Variants in RNASEH2B observed in about 807,000 individuals in gnomAD.
RNASEH2B encodes ribonuclease H2 subunit B, also known as Aicardi-Goutieres syndrome 2 protein.
RNASEH2B carries 36 observed loss-of-function variants against 45.0 expected under a neutral mutation model. That is an observed-to-expected ratio of 0.80 (90% CI 0.61 to 1.06). The LOEUF (loss-of-function observed/expected upper bound fraction) is 1.06. Among genes scored for constraint, RNASEH2B ranks in the 50% least tolerant of loss-of-function variants. The pLI, the probability that RNASEH2B is intolerant of heterozygous loss-of-function variation, is 0.00. For synonymous variants in RNASEH2B, 119 were observed against 125.7 expected (o/e 0.95, Z 0.35); for missense variants, 361 against 360.3 (o/e 1.00, Z -0.02).
chr13:50,929,877 T>C (rs566840120), intron 3 of RNASEH2B, among the ~76,000 whole-genome samples: 3 of 152,320 alleles, frequency 2.0e-5, no homozygotes, highest in East Asian at 1.9e-4. Flanking sequence ...GGGGCACATA[T>C]TGTGTTGATT....
downstream of RNASEH2B, among the ~76,000 whole-genome samples, chr13:50,959,210 A>G (rs1323807390): frequency 6.6e-6 from 1 of 152,164 alleles, no homozygotes; most frequent in East Asian, 1.9e-4. Flanking sequence ...AAAGTATTCT[A>G]TAACTTAAGG....
intron 9 of RNASEH2B, among the ~76,000 whole-genome samples, chr13:50,963,367 T>C (rs1282451621): frequency 1.3e-5 from 2 of 152,070 alleles, no homozygotes; most frequent in African/African-American, 4.8e-5. Flanking sequence ...TTTCTCCATG[T>C]TGGTCAGGCT....
At chr13:50,943,204 C>A in intron 5 of RNASEH2B, 117 bp from the exon 6 acceptor site, 1 of 698,072 alleles carries the variant, frequency 1.4e-6, no homozygotes. Context: ...GTAAATTAAG[C>A]TTTTCAAGAA....
intron 7 of RNASEH2B, among the ~76,000 whole-genome samples, chr13:50,947,758 T>C (rs948674578): frequency 1.3e-5 from 2 of 152,080 alleles, no homozygotes; most frequent in African/African-American, 4.8e-5. Context: ...TTTTATCTTA[T>C]ATCTTTGGTA....
In RNASEH2B at chr13:50,910,116, C is replaced by G. The variant is rs900876937; in HGVS notation, c.40C>G (p.Arg14Gly). The G allele has an allele frequency of 1.4e-6, 2 of 1,458,876 alleles. No individual in the cohort carries two copies. Among genetic ancestry groups the G allele is most frequent in the East Asian group, 6.0e-5 (2 of 33,262 alleles). The allele number at this position is 1,458,876 out of a possible 1,614,324, so 90.4% of individuals were successfully genotyped here. The stretch of plus-strand genomic sequence containing the variant: ...GGACTGCGGGGACGGGGTTGGCGCC[C>G]GGCAGCACGTGTTCCTGGTTTCAGG... ...GVDCGDGVGA[R>G]QHVFLVSEYL... Residue 14 changes from arginine (R) to glycine (G), a missense_variant, in exon 1 of 11, where the codon CGG becomes GGG. Transcript: ENST00000336617.
intron 9 of RNASEH2B, 133 bp downstream of exon 9, chr13:50,949,638 T>C: frequency 1.3e-6 from 1 of 790,376 alleles, no homozygotes; most frequent in Non-Finnish European, 2.2e-6. Flanking sequence ...CCATGTGGAA[T>C]AAAGATTGTA....
chr13:50,945,730 T>C (rs143526094), intron 7 of RNASEH2B, among the ~76,000 whole-genome samples, 198 bp downstream of exon 7: 1 of 152,350 alleles, frequency 6.6e-6, no homozygotes, highest in Non-Finnish European at 1.5e-5. Context: ...TGTCATTCAT[T>C]GATACTTAAG....
chr13:50,923,076 GAGGAA>G lies in RNASEH2B; in HGVS notation c.65-4328_65-4324del, dbSNP rs1231119115. ...GCTCAGCAGCAGATTTGAGCTGGCA[GAGGAA>G]AGAATTAGAAAACTCAAAGACAGGC... On this transcript the variant is annotated intron_variant, in intron 1 of 10. Transcript: ENST00000336617. Among the ~76,000 whole-genome samples the G allele has an allele frequency of 6.6e-5, 10 of 152,186 alleles. No homozygotes were observed. The South Asian group carries it at 8.3e-4, about 13-fold the overall frequency.
In RNASEH2B at chr13:50,934,912, G is replaced by T; in HGVS notation, c.349G>T (p.Val117Leu). The change falls in exon 5 of 11, where the codon GTG becomes TTG. Residue 117 changes from valine (V) to leucine (L), a missense_variant. Coordinates refer to ENST00000336617, the MANE Select transcript of RNASEH2B (RefSeq NM_024570.4). The part of the protein sequence containing the change: ...EGKFQPLDQV[V>L]VDNVFPNCIL... ...GAAGTTTCAGCCCCTTGATCAAGTT[G>T]TGGTGGATAACGTGTTTCCAAATTG... The T allele has an allele frequency of 6.2e-7, 1 of 1,613,702 alleles. No homozygotes were observed. Among genetic ancestry groups the T allele is most frequent in the South Asian group, 1.1e-5 (1 of 91,062 alleles).
Position 50,909,985 on chromosome 13 carries a change from C to T in RNASEH2B, c.-92C>T, listed in dbSNP as rs1879243007. The T allele has an allele frequency of 8.4e-7, 1 of 1,184,506 alleles. No homozygotes were observed. The highest frequency in any genetic ancestry group is 1.2e-6 in the Non-Finnish European group (1 of 866,848). 73.4% of individuals were successfully genotyped at this position (1,184,506 alleles called of 1,614,324 possible). A position where few individuals can be genotyped will look rare whatever the true frequency, so the allele number is the denominator to read the frequency against. On this transcript the variant is annotated 5_prime_UTR_variant, in exon 1 of 11. Transcript: ENST00000336617. The stretch of plus-strand genomic sequence containing the variant: ...CGGTCCCTCAGCGCGCCGCGCCACC[C>T]GGAACAGACCCTTCTCCCGCCATTT...
intron 6 of RNASEH2B, 72 bp downstream of exon 6, chr13:50,943,466 G>GT: frequency 9.6e-7 from 1 of 1,045,046 alleles, no homozygotes; most frequent in Non-Finnish European, 1.5e-6. Flanking sequence ...AGAGAAGGCA[G>GT]TAAGTCTGAA....
intron 1 of RNASEH2B, chr13:50,921,057 A>G (rs893574898): frequency 8.5e-5 from 13 of 152,238 alleles, no homozygotes; most frequent in African/African-American, 3.1e-4. Context: ...TTTTCCACGT[A>G]GTTGAGGGAA....
intron 1 of RNASEH2B, among the ~76,000 whole-genome samples, chr13:50,920,704 A>G (rs1008468826): frequency 3.9e-5 from 6 of 152,238 alleles, no homozygotes; most frequent in African/African-American, 1.2e-4. Context: ...TAGTTTTGGA[A>G]GAAGGTGTCT....
chr13:50,924,315 A>G (rs1474734637), intron 1 of RNASEH2B, among the ~76,000 whole-genome samples: 1 of 152,232 alleles, frequency 6.6e-6, no homozygotes, highest in Non-Finnish European at 1.5e-5. Context: ...AAATTTAACA[A>G]CAAAAATAGT....
At chr13:50,940,424 A>G (rs1336631497) in intron 5 of RNASEH2B, among the ~76,000 whole-genome samples, 2 of 152,230 alleles carry the variant, frequency 1.3e-5, no homozygotes, top group Non-Finnish European at 1.5e-5. Flanking sequence ...TTTTAAAACA[A>G]TATTTACTGA....
intron 9 of RNASEH2B, among the ~76,000 whole-genome samples, chr13:50,963,762 A>G (rs1399155523): frequency 6.6e-6 from 1 of 152,224 alleles, no homozygotes; most frequent in Admixed American, 6.5e-5. Context: ...AGCATACATG[A>G]CCATACTACA....
chr13:50,970,320 C>CA (rs1465930929), exon 10 of RNASEH2B: 10 of 478,770 alleles, frequency 2.1e-5, no homozygotes, highest in African/African-American at 4.1e-5. Context: ...AAAGCTTTGG[C>CA]AAACCAAGTT....
At chr13:50,970,181 G>A (rs1952207756) in exon 10 of RNASEH2B, 7 of 613,518 alleles carry the variant, frequency 1.1e-5, no homozygotes, top group South Asian at 6.2e-5. Flanking sequence ...AGGCGGTTCC[G>A]TCCAGGAGCT....
chr13:50,915,729 C>T (rs1443657054), intron 1 of RNASEH2B, among the ~76,000 whole-genome samples: 1 of 152,160 alleles, frequency 6.6e-6, no homozygotes, highest in Non-Finnish European at 1.5e-5. Flanking sequence ...TTATGACTTC[C>T]TTGTCTAAGG....
Sources: allele counts gnomAD v4.1 joint callset (sites outside exome capture counted in the v4.1 genomes callset), GRCh38; gene constraint gnomAD v4.1.1; transcripts MANE v1.5; gene names NCBI Gene and HGNC (gene_info 2026-07-23, HGNC 2026-07-21).